SIK2: variants seen among roughly 807,000 people sequenced by gnomAD.
SIK2 encodes the protein salt inducible kinase 2.
In SIK2, 29 loss-of-function variants were observed where a neutral mutation model predicts 103.2. That is an observed-to-expected ratio of 0.28 (90% CI 0.21 to 0.38). The LOEUF (loss-of-function observed/expected upper bound fraction) is 0.38, where lower values mean the gene tolerates loss of function less well. Among genes scored for constraint, SIK2 ranks in the 10% least tolerant of loss-of-function variants. SIK2 has a pLI of 1.00. For synonymous variants in SIK2, 412 were observed against 446.1 expected (o/e 0.92, Z 0.96); for missense variants, 879 against 1,171.0 (o/e 0.75, Z 3.64).
In SIK2 at chr11:111,688,204, C is replaced by A; in HGVS notation, c.478+42C>A. 6.2e-7 allele frequency: 1 copy of A among 1,603,072 alleles called. No individual in the cohort carries two copies. Among genetic ancestry groups the A allele is most frequent in the Non-Finnish European group, 8.5e-7 (1 of 1,170,766 alleles). On this transcript the variant is annotated intron_variant, in intron 4 of 14. Coordinates refer to ENST00000304987, the MANE Select transcript of SIK2 (RefSeq NM_015191.3). This position sits in a 1 kb window ranked among gnomAD's most constrained non-coding sequence, Gnocchi z 4.2. ...TGGCTCTAATAAGATCCGAAGTGAG[C>A]CACTGCACTCAGTGTGTGGAAACAG...
chr11:111,676,627 A>G (rs1197542792), intron 3 of SIK2, among the ~76,000 whole-genome samples: 2 of 152,222 alleles, frequency 1.3e-5, no homozygotes, highest in Non-Finnish European at 2.9e-5. Flanking sequence ...CCTTTGATTT[A>G]TGAATGAATG....
intron 3 of SIK2, among the ~76,000 whole-genome samples, chr11:111,682,840 G>A (rs993702110): frequency 1.3e-5 from 2 of 152,134 alleles, no homozygotes; most frequent in East Asian, 1.9e-4. Flanking sequence ...CCTTGCCTGT[G>A]CTAGTATTTC....
At chr11:111,703,644 T>C (rs1943270318) in intron 7 of SIK2, among the ~76,000 whole-genome samples, 1 of 152,210 alleles carries the variant, frequency 6.6e-6, no homozygotes, top group Non-Finnish European at 1.5e-5. Context: ...AGAGGAGGCA[T>C]TTATAAAAGA....
intron 3 of SIK2, among the ~76,000 whole-genome samples, chr11:111,665,003 T>G (rs1051429670): frequency 6.6e-6 from 1 of 152,076 alleles, no homozygotes; most frequent in African/African-American, 2.4e-5. Context: ...TAAATCAAGG[T>G]TAAATTAAAT....
chr11:111,644,287 CA>C (rs559236704), intron 3 of SIK2, among the ~76,000 whole-genome samples: 103 of 42,016 alleles, frequency 2.5e-3, no homozygotes, highest in Middle Eastern at 0.012. Flanking sequence ...GACTCCATCT[CA>C]AAAAAAAAAA....
In SIK2 at chr11:111,623,322, G is replaced by A. The variant is rs1281708908; in HGVS notation, c.316+2920G>A. 3.3e-5 allele frequency among the ~76,000 whole-genome samples: 5 copies of A among 152,220 alleles called. No homozygotes were observed. The East Asian group carries it at 9.7e-4, about 29-fold the overall frequency. On this transcript the variant is annotated intron_variant, in intron 3 of 14. Transcript: ENST00000304987. ...ATGATAATTTTTAATGTCCATGTCTGCTGATTTCCAGCATCTCTGTCAGTT... is the reference window on the plus strand; with the variant it reads ...ATGATAATTTTTAATGTCCATGTCTACTGATTTCCAGCATCTCTGTCAGTT...
chr11:111,636,463 A>G (rs987929834), intron 3 of SIK2, among the ~76,000 whole-genome samples: 2 of 152,220 alleles, frequency 1.3e-5, no homozygotes, highest in African/African-American at 4.8e-5. Context: ...CTAAGAAATC[A>G]TAAGTTAACA....
intron 9 of SIK2, among the ~76,000 whole-genome samples, chr11:111,715,310 C>G (rs954862077): frequency 6.6e-6 from 1 of 152,030 alleles, no homozygotes; most frequent in African/African-American, 2.4e-5. Context: ...AATAAGTGCA[C>G]ACACACACAC....
chr11:111,671,233 T>G (rs1942623157), intron 3 of SIK2: 1 of 262,768 alleles, frequency 3.8e-6, no homozygotes, highest in Non-Finnish European at 7.5e-6. Context: ...CAGCTTGCAG[T>G]AGGTAGTGAT....
At chr11:111,605,931 C>A (rs189716108) in intron 1 of SIK2, among the ~76,000 whole-genome samples, 28 of 152,178 alleles carry the variant, frequency 1.8e-4, no homozygotes, top group Admixed American at 1.8e-3. Context: ...GTGGTAGAAT[C>A]CAGCTTCCTA....
At chr11:111,608,560 C>G (rs1941677811) in intron 1 of SIK2, among the ~76,000 whole-genome samples, 1 of 152,128 alleles carries the variant, frequency 6.6e-6, no homozygotes, top group Non-Finnish European at 1.5e-5. Flanking sequence ...AAATTGATGT[C>G]ATGTATGCAT....
Position 111,720,427 on chromosome 11 carries a change from C to A in SIK2, c.1496-51C>A, listed in dbSNP as rs555719228. On this transcript the variant is annotated intron_variant, in intron 10 of 14. Coordinates refer to ENST00000304987, the MANE Select transcript of SIK2 (RefSeq NM_015191.3). ...CTGGTTATGCTTTGTACCCTATGTT[C>A]CAAGGAGATGCTATTGCTGTTGGTT... 21 of 1,522,292 alleles carry A rather than the reference C, an allele frequency of 1.4e-5. No individual in the cohort carries two copies. The East Asian group carries it at 4.3e-4, about 31-fold the overall frequency. 94.3% of individuals were successfully genotyped at this position (1,522,292 alleles called of 1,614,324 possible).
rs1376384477 is a variant in SIK2 at position 111,726,110 on chromosome 11, T to C, written c.*1981T>C. 2 of 152,338 alleles carry C rather than the reference T, an allele frequency of 1.3e-5. No homozygotes were observed. The highest frequency in any genetic ancestry group is 4.8e-5 in the African/African-American group (2 of 41,584). The allele number at this position is 152,338 out of a possible 1,614,324, so 9.4% of individuals were successfully genotyped here. A position where few individuals can be genotyped will look rare whatever the true frequency, so the allele number is the denominator to read the frequency against. On this transcript the variant is annotated 3_prime_UTR_variant, in exon 15 of 15. Transcript: ENST00000304987. Reference sequence around the variant, plus strand: ...TGAGTCTTTACAAAATAGCCAGTTATAAAATGGGGCTTGATTTGTTTAGAC... The same window carrying C: ...TGAGTCTTTACAAAATAGCCAGTTACAAAATGGGGCTTGATTTGTTTAGAC...
At chr11:111,624,746 A>C (rs1419737809) in intron 3 of SIK2, among the ~76,000 whole-genome samples, 1 of 152,056 alleles carries the variant, frequency 6.6e-6, no homozygotes, top group Non-Finnish European at 1.5e-5. Context: ...TATGTAAATA[A>C]TAAAGCAAGG....
intron 3 of SIK2, among the ~76,000 whole-genome samples, chr11:111,669,097 A>G (rs528812456): frequency 6.6e-6 from 1 of 152,250 alleles, no homozygotes; most frequent in Non-Finnish European, 1.5e-5. Context: ...AGTTTTAAAG[A>G]GAACAAGAAT....
chr11:111,645,305 A>G (rs1164208565), intron 3 of SIK2, among the ~76,000 whole-genome samples: 1 of 152,220 alleles, frequency 6.6e-6, no homozygotes, highest in Non-Finnish European at 1.5e-5. Flanking sequence ...TCAAAACTGG[A>G]AACAACAAAA....
intron 9 of SIK2, among the ~76,000 whole-genome samples, chr11:111,716,977 C>G (rs1943658123): frequency 6.6e-6 from 1 of 152,108 alleles, no homozygotes; most frequent in South Asian, 2.1e-4. Flanking sequence ...AGAACAGACA[C>G]TTCTGAAAAG....
chr11:111,676,289 G>C (rs1365715529), intron 3 of SIK2, among the ~76,000 whole-genome samples: 1 of 152,194 alleles, frequency 6.6e-6, no homozygotes, highest in Admixed American at 6.5e-5. Flanking sequence ...TCATGGGATT[G>C]CTGGGCTGAA....
chr11:111,685,967 T>C (rs924256229), intron 3 of SIK2, among the ~76,000 whole-genome samples: 2 of 152,228 alleles, frequency 1.3e-5, no homozygotes, highest in African/African-American at 4.8e-5. Context: ...GATTGACTGT[T>C]CAGTCACCAG....
Sources: gnomAD v4.1 joint callset for allele counts (sites outside exome capture counted in the v4.1 genomes callset) on GRCh38, gnomAD v4.1.1 for gene constraint, Gnocchi (gnomAD v3.1) non-coding constraint, MANE v1.5 for transcripts, NCBI Gene and HGNC (gene_info 2026-07-23, HGNC 2026-07-21) for gene names.